The following PKP2 variants were observed in gnomAD, a reference collection of about 807,000 sequenced individuals.
PKP2 encodes plakophilin-2.
A neutral mutation model predicts 83.4 loss-of-function variants in PKP2; 73 were observed. The ratio of observed to expected loss-of-function variants is 0.88; its 90% CI spans 0.72 to 1.06. The LOEUF is 1.06. Ranked by LOEUF, PKP2 falls within the 50% of genes least tolerant of loss-of-function variation. The pLI, the probability that PKP2 is intolerant of heterozygous loss-of-function variation, is 0.00. For missense variants in PKP2, 966 were observed against 1,065.4 expected (o/e 0.91, Z 1.30); for synonymous variants, 409 against 430.4 (o/e 0.95, Z 0.62).
rs2137725631 is a variant in PKP2, at chr12:32,802,503, G to A, written c.2067C>T (p.His689=). The change falls in exon 10 of 13, where the codon CAC becomes CAT. Residue 689 remains histidine (H), a synonymous_variant. Transcript: ENST00000340811. ...TVVQKESGLQ[H]TRKMLHVGDP... ...CACCAACATGCAGCATCTTTCGGGT[G>A]TGCTGCAGGCCACTTTCCTTCTGGA... is the stretch of plus-strand genomic sequence containing the variant. 1 of 1,613,484 alleles carries A rather than the reference G, an allele frequency of 6.2e-7. No individual in the cohort carries two copies. The highest frequency in any genetic ancestry group is 8.5e-7 in the Non-Finnish European group (1 of 1,179,402).
At chr12:32,811,181 G>C (rs543131483) in intron 9 of PKP2, among the ~76,000 whole-genome samples, 3 of 152,228 alleles carry the variant, frequency 2.0e-5, no homozygotes, top group South Asian at 2.1e-4. Flanking sequence ...ATAACAGACT[G>C]GTAAGAAATT....
chr12:32,809,061 T>TG (rs904470260), intron 9 of PKP2, among the ~76,000 whole-genome samples: 3 of 152,186 alleles, frequency 2.0e-5, no homozygotes, highest in African/African-American at 7.2e-5. Context: ...TGTGCTCTGT[T>TG]GGGGAGGACC....
intron 5 of PKP2, among the ~76,000 whole-genome samples, chr12:32,850,398 GTCTC>G (rs1399669076): frequency 6.6e-6 from 1 of 151,782 alleles, no homozygotes; most frequent in Non-Finnish European, 1.5e-5. Flanking sequence ...TAGAAACATC[GTCTC>G]TACTAAAAAT....
intron 4 of PKP2, among the ~76,000 whole-genome samples, chr12:32,866,476 G>T (rs890172807): frequency 6.9e-6 from 1 of 145,232 alleles, no homozygotes; most frequent in Non-Finnish European, 1.5e-5. Flanking sequence ...ACTTGAGCCC[G>T]AGAGGTGGAG....
chr12:32,877,851 C>G lies in PKP2; in HGVS notation c.1029G>C (p.Gln343His). Reference sequence around the variant, plus strand: ...AGAGTCAGGAGGGGACTTACCCCAGCTGGGAGTCAGTGAAAGTGCTTCTCT... The same window carrying G: ...AGAGTCAGGAGGGGACTTACCCCAGGTGGGAGTCAGTGAAAGTGCTTCTCT... Reference protein sequence around the residue: ...LTERSTFTDSQLGNADMEMTL... With the variant: ...LTERSTFTDSHLGNADMEMTL... Residue 343 changes from glutamine (Q) to histidine (H), a missense_variant, in exon 3 of 13, where the codon CAG becomes CAC. Gln to His is a conservative substitution (Grantham distance 24, BLOSUM62 0). Transcript: ENST00000340811. 6.2e-7 allele frequency: 1 copy of G among 1,611,640 alleles called. No individual in the cohort carries two copies. The highest frequency in any genetic ancestry group is 8.5e-7 in the Non-Finnish European group (1 of 1,177,782).
At chr12:32,819,633 G>A (rs1292101443) in intron 9 of PKP2, among the ~76,000 whole-genome samples, 1 of 152,188 alleles carries the variant, frequency 6.6e-6, no homozygotes, top group Non-Finnish European at 1.5e-5. Flanking sequence ...AACTGCTAGT[G>A]TCTGTTATGT....
At chr12:32,831,757 T>C (rs569576892) in intron 6 of PKP2, among the ~76,000 whole-genome samples, 1 of 152,110 alleles carries the variant, frequency 6.6e-6, no homozygotes, top group Non-Finnish European at 1.5e-5. Context: ...TCTGGACCAA[T>C]CTGGTAAAGA....
chr12:32,807,007 G>T (rs1390614012), intron 9 of PKP2, among the ~76,000 whole-genome samples: 1 of 152,128 alleles, frequency 6.6e-6, no homozygotes, highest in Non-Finnish European at 1.5e-5. Context: ...CTATGTACTT[G>T]TGTGGTTTTG....
intron 11 of PKP2, among the ~76,000 whole-genome samples, chr12:32,794,607 A>C (rs1239674890): frequency 6.6e-6 from 1 of 152,236 alleles, no homozygotes; most frequent in Non-Finnish European, 1.5e-5. Flanking sequence ...ATGTGCAACA[A>C]TTGTTATGTC....
intron 5 of PKP2, among the ~76,000 whole-genome samples, chr12:32,844,578 A>C (rs1055747222): frequency 1.3e-5 from 2 of 152,238 alleles, no homozygotes; most frequent in African/African-American, 2.4e-5. Flanking sequence ...GAAATTCTAA[A>C]GAAGGAGATT....
chr12:32,888,326 T>TA (rs780271102), intron 1 of PKP2, among the ~76,000 whole-genome samples: 3 of 152,122 alleles, frequency 2.0e-5, no homozygotes, highest in Non-Finnish European at 4.4e-5. Context: ...CCCAATAATA[T>TA]AAAAAAAGGT....
chr12:32,836,182 T>C (rs1018087560), intron 6 of PKP2, among the ~76,000 whole-genome samples: 2 of 152,234 alleles, frequency 1.3e-5, no homozygotes, highest in African/African-American at 4.8e-5. Flanking sequence ...GTTATCCCTA[T>C]TGCAAAATCT....
At chr12:32,821,862 A>AGTCTGTTCCC (rs1337944847) in intron 8 of PKP2, 30 of 322,656 alleles carry the variant, frequency 9.3e-5, no homozygotes, top group Middle Eastern at 1.1e-3. Flanking sequence ...CACCCTGTAG[A>AGTCTGTTCCC]TAAGAAAAAC....
In PKP2 at chr12:32,843,317, T is replaced by C. The variant is rs367657856; in HGVS notation, c.1379-2112A>G. On this transcript the variant is annotated intron_variant, in intron 5 of 12. Coordinates refer to ENST00000340811, the MANE Select transcript of PKP2 (RefSeq NM_001005242.3). ...CTTCTTAAATTGACTGTATGGTCTG[T>C]ACAAAGGAAAGAGGAAGCATAGGTA... is the stretch of plus-strand genomic sequence containing the variant. 2.0e-5 allele frequency: 27 copies of C among 1,365,210 alleles called. No homozygotes were observed. The highest frequency in any genetic ancestry group is 2.6e-5 in the Non-Finnish European group (27 of 1,021,490). 84.6% of individuals were successfully genotyped at this position (1,365,210 alleles called of 1,614,324 possible). A position where few individuals can be genotyped will look rare whatever the true frequency, so the allele number is the denominator to read the frequency against.
chr12:32,871,812 C>T (rs534180501), intron 3 of PKP2, among the ~76,000 whole-genome samples: 1 of 152,244 alleles, frequency 6.6e-6, no homozygotes, highest in South Asian at 2.1e-4. Context: ...ATTGCCCAGG[C>T]TGGTCTCCAA....
At chr12:32,820,207 GAATA>G (rs1211652929) in intron 9 of PKP2, 1 of 152,132 alleles carries the variant, frequency 6.6e-6, no homozygotes, top group African/African-American at 2.4e-5. Flanking sequence ...ACATATTAAA[GAATA>G]AATATGGTTT....
At chr12:32,880,168 C>G (rs556291883) in intron 1 of PKP2, among the ~76,000 whole-genome samples, 5 of 150,930 alleles carry the variant, frequency 3.3e-5, no homozygotes, top group African/African-American at 1.2e-4. Context: ...TTTGGGAGGC[C>G]GAGGTGGGCG....
chr12:32,806,495 T>C (rs1190044511), intron 9 of PKP2, among the ~76,000 whole-genome samples: 2 of 152,246 alleles, frequency 1.3e-5, no homozygotes, highest in African/African-American at 4.8e-5. Flanking sequence ...TTCTAGTTTA[T>C]GTGCATAGAG....
At position 32,896,649 on chromosome 12, in the gene PKP2, G is replaced by A; in HGVS notation, c.83C>T (p.Ser28Phe). ...GGCCTCGGAGGGCAGCGCCAGGCTG[G>A]AGCTGTCCAGTTGTCCCAGGATCTG... ...GQQILGQLDS[S>F]SLALPSEAKL... is the part of the protein sequence containing the mutation. The change falls in exon 1 of 13, where the codon TCC becomes TTC. Residue 28 changes from serine (S) to phenylalanine (F), a missense_variant. Coordinates refer to ENST00000340811, the MANE Select transcript of PKP2 (RefSeq NM_001005242.3). The A allele has an allele frequency of 6.4e-7, 1 of 1,568,880 alleles. No homozygotes were observed. The highest frequency in any genetic ancestry group is 8.6e-7 in the Non-Finnish European group (1 of 1,166,778).
Sources: allele counts gnomAD v4.1 joint callset (sites outside exome capture counted in the v4.1 genomes callset), GRCh38; gene constraint gnomAD v4.1.1; transcripts MANE v1.5; gene names NCBI Gene and HGNC (gene_info 2026-07-23, HGNC 2026-07-21).